Variants in VPS13D observed in about 807,000 individuals in gnomAD.
VPS13D encodes the protein vacuolar protein sorting 13 homolog D.
Under a neutral mutation model 461.9 loss-of-function variants are expected in VPS13D, and 187 were observed. The observed-to-expected ratio is 0.40, with a 90% CI of 0.36 to 0.46. The LOEUF (loss-of-function observed/expected upper bound fraction) is 0.46. VPS13D is among the 20% of genes least tolerant of loss of function. The probability of loss-of-function intolerance (pLI) is 0.60; values close to 1 mark genes in which losing one functional copy is unlikely to be tolerated. For missense variants in VPS13D, 4,711 were observed against 5,364.9 expected, an observed-to-expected ratio of 0.88 and a Z score of 3.81; for synonymous variants, 1,951 against 1,986.3, an observed-to-expected ratio of 0.98 and a Z score of 0.47.
intron 26 of VPS13D, among the ~76,000 whole-genome samples, chr1:12,307,223 A>G (rs886465546): frequency 2.6e-4 from 39 of 152,250 alleles, no homozygotes; most frequent in African/African-American, 9.4e-4. Flanking sequence ...AATGAAAAAG[A>G]CATTGAGCAT....
chr1:12,411,070 C>T (rs1411468629), intron 63 of VPS13D, among the ~76,000 whole-genome samples: 1 of 152,212 alleles, frequency 6.6e-6, no homozygotes, highest in African/African-American at 2.4e-5. Context: ...ATTATCACCA[C>T]TTCTTTCACC....
intron 67 of VPS13D, among the ~76,000 whole-genome samples, chr1:12,469,202 T>C (rs1269242573): frequency 1.3e-5 from 2 of 152,078 alleles, no homozygotes; most frequent in Non-Finnish European, 2.9e-5. Context: ...GAACAGAGGG[T>C]CTCAAAATAC....
chr1:12,268,763 G>A lies in VPS13D; in HGVS notation c.1859G>A (p.Ser620Asn). The change falls in exon 16 of 70, where the codon AGC becomes AAC. Residue 620 changes from serine (S) to asparagine (N), a missense_variant. By Grantham distance (46) the Ser-to-Asn change is conservative. Transcript: ENST00000620676. Reference protein sequence around the residue: ...EMLYERNPAHSHFERRLNVST... With the variant: ...EMLYERNPAHNHFERRLNVST... Reference sequence around the variant, plus strand: ...CTGTATGAGAGAAATCCGGCGCACAGCCACTTTGAGAGGCGGCTCAATGTC... The same window carrying A: ...CTGTATGAGAGAAATCCGGCGCACAACCACTTTGAGAGGCGGCTCAATGTC... 6.2e-7 allele frequency: 1 copy of A among 1,614,076 alleles called. No individual in the cohort carries two copies. Among genetic ancestry groups the A allele is most frequent in the Non-Finnish European group, 8.5e-7 (1 of 1,180,004 alleles).
In VPS13D at chr1:12,504,619, C is replaced by T. The variant is rs150865460; in HGVS notation, c.12795-2234C>T. Among the ~76,000 whole-genome samples, 347 of 152,300 alleles carry T rather than the reference C, an allele frequency of 2.3e-3. 2 individuals are homozygous for T. Among genetic ancestry groups the T allele is most frequent in the African/African-American group, 7.9e-3 (327 of 41,576 alleles). Reference sequence around the variant, plus strand: ...TGAGCTACCAAGAAAGCAACGGACTCGGCCAGAGTCAGCCAGCGGGCCGGG... The same window carrying T: ...TGAGCTACCAAGAAAGCAACGGACTTGGCCAGAGTCAGCCAGCGGGCCGGG... On this transcript the variant is annotated intron_variant, in intron 68 of 69. Transcript: ENST00000620676.
In VPS13D at chr1:12,507,138, G is replaced by A. The variant is rs1156558756; in HGVS notation, c.13035+45G>A. 1.2e-6 allele frequency: 2 copies of A among 1,611,606 alleles called. No homozygotes were observed. The highest frequency in any genetic ancestry group is 1.1e-5 in the South Asian group (1 of 90,900). On this transcript the variant is annotated intron_variant, in intron 69 of 69. Transcript: ENST00000620676. The surrounding 1 kb of genome is among the most constrained non-coding windows in gnomAD (Gnocchi z 5.3). ...CAGGCTCCTGAGGGGCGGGGCCAGG[G>A]CCTCGATGCCTCTGCCCTGCTTCCC...
intron 65 of VPS13D, among the ~76,000 whole-genome samples, chr1:12,438,657 C>A (rs1645091892): frequency 6.6e-6 from 1 of 152,190 alleles, no homozygotes; most frequent in African/African-American, 2.4e-5. Flanking sequence ...TCACCTCCTC[C>A]TCCCTGGCAA....
At chr1:12,476,652 C>T (rs1645634732) in intron 67 of VPS13D, among the ~76,000 whole-genome samples, 1 of 152,188 alleles carries the variant, frequency 6.6e-6, no homozygotes, top group African/African-American at 2.4e-5. Context: ...ATTTAGCCTA[C>T]CTCTTTGTTG....
chr1:12,238,158 A>T (rs977268113), intron 2 of VPS13D, among the ~76,000 whole-genome samples: 40 of 151,656 alleles, frequency 2.6e-4, no homozygotes, highest in African/African-American at 9.7e-4. Context: ...TCTCAAAAAA[A>T]AAAAAAAGAA....
chr1:12,357,610 G>C (rs569470485), intron 49 of VPS13D, among the ~76,000 whole-genome samples: 2 of 152,214 alleles, frequency 1.3e-5, no homozygotes, highest in Non-Finnish European at 2.9e-5. Flanking sequence ...ACCTGCCCAA[G>C]TTTACATCGC....
rs779850187 is a variant in VPS13D, at chr1:12,497,580, C to A, written c.12743C>A (p.Ala4248Glu). ...GLLPRYSESQ[A>E]EGQEQLFKLT... ...CTTCCCCGATATTCTGAGAGCCAGG[C>A]GGAAGGACAGGAGCAGCTCTTCAAA... The change falls in exon 68 of 70, where the codon GCG becomes GAG. Residue 4248 changes from alanine to glutamate, a missense_variant. Ala to Glu is a moderately radical substitution (Grantham distance 107, BLOSUM62 -1). Transcript: ENST00000620676. 2 of 1,614,056 alleles carry A rather than the reference C, an allele frequency of 1.2e-6. No homozygotes were observed. The highest frequency in any genetic ancestry group is 2.2e-5 in the East Asian group (1 of 44,866).
chr1:12,403,254 G>A (rs1482445855), intron 62 of VPS13D, among the ~76,000 whole-genome samples: 3 of 152,234 alleles, frequency 2.0e-5, no homozygotes, highest in Non-Finnish European at 4.4e-5. Context: ...TTTATTTCAT[G>A]AGATGGCAAG....
chr1:12,285,299 T>C (rs1009400061), intron 21 of VPS13D, among the ~76,000 whole-genome samples: 3 of 147,264 alleles, frequency 2.0e-5, no homozygotes, highest in Non-Finnish European at 3.0e-5. Flanking sequence ...TTTATTTATT[T>C]TTTTTTTTTG....
intron 63 of VPS13D, among the ~76,000 whole-genome samples, chr1:12,405,869 C>T (rs1170052006): frequency 6.6e-6 from 1 of 152,180 alleles, no homozygotes; most frequent in Non-Finnish European, 1.5e-5. Context: ...GAAACACAGA[C>T]ACCTCACTAT....
intron 52 of VPS13D, among the ~76,000 whole-genome samples, chr1:12,366,688 T>G (rs1488773061): frequency 6.6e-6 from 1 of 152,232 alleles, no homozygotes; most frequent in Admixed American, 6.5e-5. Flanking sequence ...TGCCATCTAT[T>G]TCATTTACTT....
intron 37 of VPS13D, among the ~76,000 whole-genome samples, chr1:12,331,733 A>AG (rs1027125608): frequency 2.0e-5 from 3 of 151,602 alleles, no homozygotes; most frequent in Admixed American, 6.6e-5. Flanking sequence ...AAAAAAAAAA[A>AG]AAGAATAATG....
chr1:12,316,891 A>G (rs950141883), intron 30 of VPS13D, among the ~76,000 whole-genome samples: 1 of 152,156 alleles, frequency 6.6e-6, no homozygotes. Flanking sequence ...ATGTACTAAT[A>G]GGGCCTGGAT....
Position 12,348,945 on chromosome 1 carries a change from A to C in VPS13D, c.9192A>C (p.Leu3064=). ...ACAGACTTGAGACACCAATGGAACT[A>C]AGACTGGATAGCCCATCAGCTCCAG... ...VRNRLETPME[L]RLDSPSAPDK... The change falls in exon 45 of 70, where the codon CTA becomes CTC. Residue 3064 remains leucine (L), a synonymous_variant. Transcript: ENST00000620676. The C allele has an allele frequency of 6.2e-7, 1 of 1,614,194 alleles. No individual in the cohort carries two copies. Among genetic ancestry groups the C allele is most frequent in the South Asian group, 1.1e-5 (1 of 91,072 alleles).
intron 65 of VPS13D, among the ~76,000 whole-genome samples, chr1:12,444,541 C>A (rs1170708820): frequency 1.3e-5 from 2 of 152,040 alleles, no homozygotes; most frequent in Non-Finnish European, 2.9e-5. Flanking sequence ...ATGTCACTTA[C>A]ACCTCTCATG....
At chr1:12,433,533 G>T (rs1397829767) in intron 65 of VPS13D, among the ~76,000 whole-genome samples, 1 of 152,230 alleles carries the variant, frequency 6.6e-6, no homozygotes, top group Non-Finnish European at 1.5e-5. Flanking sequence ...AAGCGTGCCT[G>T]CCCTCCCGAT....
Sources: allele counts gnomAD v4.1 joint callset (sites outside exome capture counted in the v4.1 genomes callset), GRCh38; gene constraint gnomAD v4.1.1; non-coding constraint Gnocchi (gnomAD v3.1); transcripts MANE v1.5; gene names NCBI Gene and HGNC (gene_info 2026-07-23, HGNC 2026-07-21).